FASN: variants seen among roughly 807,000 people sequenced by gnomAD.
FASN encodes fatty acid synthase, also known as 3-hydroxyacyl-[acyl-carrier-protein] dehydratase.
A neutral mutation model predicts 250.0 loss-of-function variants in FASN; 50 were observed. That is an observed-to-expected ratio of 0.20 (90% CI 0.16 to 0.25). The LOEUF is 0.25. Among genes scored for constraint, FASN ranks in the 10% least tolerant of loss-of-function variants. The pLI, the probability that FASN is intolerant of heterozygous loss-of-function variation, is 1.00. For synonymous variants in FASN, 1,909 were observed against 1,584.0 expected, an observed-to-expected ratio of 1.21 and a Z score of -4.87; for missense variants, 3,031 against 3,498.5, an observed-to-expected ratio of 0.87 and a Z score of 3.37.
At chr17:82,096,563 G>A in intron 1 of FASN, 111 bp from the exon 2 acceptor site, 1 of 1,516,244 alleles carries the variant, frequency 6.6e-7, no homozygotes, top group South Asian at 1.1e-5. Flanking sequence ...CCACCCTGAG[G>A]GTCCGTGCGG....
intron 8 of FASN, 57 bp downstream of exon 8, chr17:82,092,398 G>A (rs1218572059): frequency 1.7e-5 from 26 of 1,531,736 alleles, no homozygotes; most frequent in Admixed American, 1.2e-4. Flanking sequence ...CAGCCATGGC[G>A]CAACCCAGTC....
Position 82,088,460 on chromosome 17 carries a change from G to A in FASN, c.2523C>T (p.Ala841=), listed in dbSNP as rs1373482233. Residue 841 remains alanine, a synonymous_variant, in exon 16 of 43, where the codon GCC becomes GCT. Coordinates refer to ENST00000306749, the MANE Select transcript of FASN (RefSeq NM_004104.5). The part of the protein sequence containing the change: ...SPLIKWDHSL[A]WDVPAAEDFP... ...AGTCCTCGGCGGCCGGCACGTCCCAGGCCAGGCTGTGGTCCCACTTGATGA... is the reference window on the plus strand; with the variant it reads ...AGTCCTCGGCGGCCGGCACGTCCCAAGCCAGGCTGTGGTCCCACTTGATGA... The A allele has an allele frequency of 9.9e-6, 16 of 1,611,716 alleles. No individual in the cohort carries two copies. The highest frequency in any genetic ancestry group is 1.7e-5 in the Admixed American group (1 of 59,964).
rs536230471 is a variant in FASN at position 82,088,762 on chromosome 17, C to T, written c.2419G>A (p.Gly807Ser). Residue 807 changes from glycine (G) to serine (S), a missense_variant and splice_region_variant, in exon 15 of 43, where the codon GGC (glycine) becomes AGC (serine). Coordinates refer to ENST00000306749, the MANE Select transcript of FASN (RefSeq NM_004104.5). ...LAGIGRLHLS[G>S]IDANPNALFP... Reference sequence around the variant, plus strand: ...GACCCGGGCTGGGAAGGGACCCACCCTGAGAGGTGCAGCCTGCCGATGCCG... The same window carrying T: ...GACCCGGGCTGGGAAGGGACCCACCTTGAGAGGTGCAGCCTGCCGATGCCG... 1.3e-5 allele frequency: 21 copies of T among 1,611,470 alleles called. No individual in the cohort carries two copies. The East Asian group carries it at 4.7e-4, about 36-fold the overall frequency.
chr17:82,091,139 G>C, intron 9 of FASN, 70 bp from the exon 10 acceptor site: 1 of 1,604,086 alleles, frequency 6.2e-7, no homozygotes, highest in Non-Finnish European at 8.5e-7. Flanking sequence ...CCGTCCCAGA[G>C]AGCACCTCAG....
rs141935205 is a variant in FASN, at chr17:82,081,778, C to G, written c.6229G>C (p.Asp2077His). 1.1e-5 allele frequency: 18 copies of G among 1,612,546 alleles called. No individual in the cohort carries two copies. The highest frequency in any genetic ancestry group is 1.4e-5 in the Non-Finnish European group (17 of 1,179,996). Residue 2077 changes from aspartate to histidine, a missense_variant, in exon 37 of 43, where the codon GAC becomes CAC. Asp to His is a moderately conservative substitution (Grantham distance 81). Transcript: ENST00000306749. ...GGCAGCGTGCCACTGACGATCGTGT[C>G]GTTGGTGCTCATCGTCTCCACCAAA... is the stretch of plus-strand genomic sequence containing the variant. ...GILVETMSTN[D>H]TIVSGTLPQR...
rs915330836 is a variant in FASN, at chr17:82,084,894, G to A, written c.4469C>T (p.Ser1490Phe). Residue 1490 changes from serine to phenylalanine, a missense_variant, in exon 26 of 43, where the codon TCC becomes TTC. Transcript: ENST00000306749. ...TSHVPEVDPG[S>F]AELQKVLQGD... ...CTGCAACACCTTCTGCAGTTCTGCG[G>A]AGCCCGGGTCCACCTCCGGGACGTG... 6.4e-7 allele frequency: 1 copy of A among 1,551,334 alleles called. No homozygotes were observed. The highest frequency in any genetic ancestry group is 2.0e-5 in the Admixed American group (1 of 51,094).
In FASN at chr17:82,082,131, T is replaced by A. The variant is rs1231679290; in HGVS notation, c.6041A>T (p.Asp2014Val). The change falls in exon 36 of 43, where the codon GAC (aspartate) becomes GTC (valine). Residue 2014 changes from aspartate to valine, a missense_variant. Physicochemically the swap from Asp to Val is radical, Grantham distance 152 (BLOSUM62 -3). Coordinates refer to ENST00000306749, the MANE Select transcript of FASN (RefSeq NM_004104.5). Reference protein sequence around the residue: ...RVTREACPELDYFVVFSSVSC... With the variant: ...RVTREACPELVYFVVFSSVSC... The stretch of plus-strand genomic sequence containing the variant: ...CACAGAGGAGAAGACCACAAAGTAG[T>A]CCAGCTCAGGGCACGCCTCTCGGGT... The A allele has an allele frequency of 6.2e-7, 1 of 1,606,066 alleles. No individual in the cohort carries two copies. Among genetic ancestry groups the A allele is most frequent in the South Asian group, 1.1e-5 (1 of 91,082 alleles).
Position 82,080,581 on chromosome 17 carries a change from A to G in FASN, c.6836T>C (p.Leu2279Pro). ...YGLQCTRAAP[L>P]DSIHSLAAYY... The stretch of plus-strand genomic sequence containing the variant: ...GGCAGCCAGGCTGTGGATGCTGTCA[A>G]GGGGCGCAGCTGCAATGGCAGTGCC... The change falls in exon 40 of 43, where the codon CTT (leucine) becomes CCT (proline). Residue 2279 changes from leucine to proline, a missense_variant. Leu to Pro is a moderately conservative substitution (Grantham distance 98). Coordinates refer to ENST00000306749, the MANE Select transcript of FASN (RefSeq NM_004104.5). 6.4e-7 allele frequency: 1 copy of G among 1,555,850 alleles called. No individual in the cohort carries two copies.
At chr17:82,086,218 C>T in intron 22 of FASN, 36 bp downstream of exon 22, 1 of 1,538,918 alleles carries the variant, frequency 6.5e-7, no homozygotes, top group Non-Finnish European at 8.7e-7. Flanking sequence ...CCTACCATGT[C>T]CGGGGCAGAG....
In FASN at chr17:82,083,312, G is replaced by T; in HGVS notation, c.5455C>A (p.Arg1819=). 6.2e-7 allele frequency: 1 copy of T among 1,612,692 alleles called. No homozygotes were observed. The change falls in exon 32 of 43, where the codon CGG becomes AGG. Residue 1819 remains arginine, a synonymous_variant. Coordinates refer to ENST00000306749, the MANE Select transcript of FASN (RefSeq NM_004104.5). ...EVWALVQAGI[R]DGVVRPLKCT... ...TTGAGGGGCCGTACCACCCCATCCC[G>T]GATGCCGGCCTGCACAAGCGCCCAC...
At chr17:82,084,755 G>C (rs191483572) in intron 26 of FASN, 39 bp from the exon 27 acceptor site, 2 of 1,550,060 alleles carry the variant, frequency 1.3e-6, no homozygotes, top group African/African-American at 1.4e-5. Flanking sequence ...CGGGGCCTTC[G>C]GGTGCAGTCT....
Position 82,092,697 on chromosome 17 carries a change from C to T in FASN, c.894G>A (p.Lys298=). 1 of 1,572,064 alleles carries T rather than the reference C, an allele frequency of 6.4e-7. No individual in the cohort carries two copies. Among genetic ancestry groups the T allele is most frequent in the Non-Finnish European group, 8.6e-7 (1 of 1,157,568 alleles). The change falls in exon 7 of 43, where the codon AAG becomes AAA. Residue 298 remains lysine (K), a splice_region_variant and synonymous_variant. Coordinates refer to ENST00000306749, the MANE Select transcript of FASN (RefSeq NM_004104.5). ...GTGGGGCGGGGGGGGGGGGCATCAC[C>T]TTGGTGCCTGTGCCGTGGGCTTCGA... is the stretch of plus-strand genomic sequence containing the variant. The part of the protein sequence containing the change: ...EYIEAHGTGT[K]VGDPQELNGI...
chr17:82,089,759 GGACACCGA>G, intron 11 of FASN, 33 bp from the exon 12 acceptor site: 2 of 1,546,784 alleles, frequency 1.3e-6, no homozygotes, highest in Non-Finnish European at 1.8e-6. Flanking sequence ...GGCTTAGCGT[GGACACCGA>G]GCCGCTCCCA....
At chr17:82,081,432 T>C (rs1598573083) in intron 37 of FASN, 80 bp from the exon 38 acceptor site, 3 of 1,561,722 alleles carry the variant, frequency 1.9e-6, no homozygotes, top group Non-Finnish European at 2.6e-6. Flanking sequence ...CACCCAGGGG[T>C]GCGTGGGCTG....
rs773063554 is a variant in FASN, at chr17:82,085,730, C to A, written c.3874G>T (p.Val1292Phe). The A allele has an allele frequency of 1.9e-6, 3 of 1,565,212 alleles. No homozygotes were observed. Among genetic ancestry groups the A allele is most frequent in the African/African-American group, 2.7e-5 (2 of 73,634 alleles). Residue 1292 changes from valine to phenylalanine, a missense_variant, in exon 23 of 43, where the codon GTT becomes TTT. Transcript: ENST00000306749. ...GCGGGATCCCACTGGCCCTGGGCAA[C>A]GTCGTGCTGCTGCAGCTCGGCCTGG... ...AAQAELQQHDVAQGQWDPADP... is the reference protein window; with the variant it reads ...AAQAELQQHDFAQGQWDPADP...
In FASN at chr17:82,083,090, A is replaced by G. The variant is rs148568183; in HGVS notation, c.5591T>C (p.Val1864Ala). 1.6e-5 allele frequency: 25 copies of G among 1,611,092 alleles called. No homozygotes were observed. The African/African-American group carries it at 3.1e-4, about 20-fold the overall frequency. ...VQVLAEEPEA[V>A]LKGAKPKLMS... ...CAGCTTGGGTTTGGCCCCCTTCAGC[A>G]CTGCCTCCGGCTCCTCCGCAAGCAC... Residue 1864 changes from valine (V) to alanine (A), a missense_variant, in exon 33 of 43, where the codon GTG (valine) becomes GCG (alanine). Coordinates refer to ENST00000306749, the MANE Select transcript of FASN (RefSeq NM_004104.5).
intron 11 of FASN, 27 bp from the exon 12 acceptor site, chr17:82,089,753 T>C (rs1251301931): frequency 3.2e-6 from 5 of 1,560,300 alleles, no homozygotes; most frequent in Non-Finnish European, 4.3e-6. Flanking sequence ...CTCAGAGGCT[T>C]AGCGTGGACA....
chr17:82,092,808 C>G lies in FASN; in HGVS notation c.783G>C (p.Val261=). Residue 261 remains valine, a synonymous_variant, in exon 7 of 43, where the codon GTG becomes GTC. Transcript: ENST00000306749. Reference sequence around the variant, plus strand: ...CCTGGATATCCCCTGAGGGGAAGGTCACGCCTGCGGAGGGCTCGGCTCAGT... The same window carrying G: ...CCTGGATATCCCCTGAGGGGAAGGTGACGCCTGCGGAGGGCTCGGCTCAGT... ...TNTDGFKEQG[V]TFPSGDIQEQ... 1 of 1,596,858 alleles carries G rather than the reference C, an allele frequency of 6.3e-7. No homozygotes were observed. Among genetic ancestry groups the G allele is most frequent in the Non-Finnish European group, 8.5e-7 (1 of 1,172,858 alleles).
rs374896350 is a variant in FASN at position 82,084,929 on chromosome 17, G to T, written c.4434C>A (p.Ser1478Arg). 54 of 1,554,554 alleles carry T rather than the reference G, an allele frequency of 3.5e-5. No individual in the cohort carries two copies. Among genetic ancestry groups the T allele is most frequent in the Non-Finnish European group, 4.6e-5 (53 of 1,149,240 alleles). The change falls in exon 26 of 43, where the codon AGC (serine) becomes AGA (arginine). Residue 1478 changes from serine (S) to arginine (R), a missense_variant. Physicochemically the swap from Ser to Arg is moderately radical, Grantham distance 110. Transcript: ENST00000306749. ...RLRCVLLSNL[S>R]STSHVPEVDP... ...CCACCTCCGGGACGTGGGAGGTGCT[G>T]CTGAGGTTGGAGAGCAGCACACACC...
Sources: gnomAD v4.1 joint callset for allele counts on GRCh38, gnomAD v4.1.1 for gene constraint, MANE v1.5 for transcripts, NCBI Gene and HGNC (gene_info 2026-07-23, HGNC 2026-07-21) for gene names.